Variants in MTMR8 observed in about 807,000 individuals in gnomAD.
MTMR8 encodes the protein phosphatidylinositol-3,5-bisphosphate 3-phosphatase MTMR8.
MTMR8 carries 65 observed loss-of-function variants against 39.3 expected under a neutral mutation model. That is an observed-to-expected ratio of 1.65 (90% CI 1.35 to 2.03). The LOEUF (loss-of-function observed/expected upper bound fraction) is 2.03, where lower values mean the gene tolerates loss of function less well. Ranked by LOEUF, MTMR8 falls within the 30% of genes most tolerant of loss-of-function variation. The probability of loss-of-function intolerance (pLI) is 0.00; values close to 1 mark genes in which losing one functional copy is unlikely to be tolerated. For missense variants in MTMR8, 777 were observed against 538.9 expected, an observed-to-expected ratio of 1.44 and a Z score of -4.37; for synonymous variants, 245 against 185.2, an observed-to-expected ratio of 1.32 and a Z score of -2.62.
chrX:64,282,457 T>C (rs1921000262), intron 12 of MTMR8, among the ~76,000 whole-genome samples: 1 of 110,688 alleles, frequency 9.0e-6, no homozygotes, highest in Non-Finnish European at 1.9e-5. Flanking sequence ...TTTACCTATG[T>C]AACAAACCTG....
intron 12 of MTMR8, among the ~76,000 whole-genome samples, chrX:64,297,363 G>C (rs1195078110): frequency 9.3e-6 from 1 of 107,686 alleles, no homozygotes; most frequent in Non-Finnish European, 1.9e-5. Context: ...GTGTTTTTTG[G>C]CGGCATAAAT....
chrX:64,354,359 C>T (rs1278710847), intron 4 of MTMR8, among the ~76,000 whole-genome samples: 1 of 110,435 alleles, frequency 9.1e-6, no homozygotes, highest in Non-Finnish European at 1.9e-5. Context: ...GTGATGGATA[C>T]CCCAATTACC....
At chrX:64,291,522 C>A (rs1336359972) in intron 12 of MTMR8, among the ~76,000 whole-genome samples, 1 of 110,740 alleles carries the variant, frequency 9.0e-6, no homozygotes, top group African/African-American at 3.3e-5. Context: ...TGCTGAACAC[C>A]CCACACACCC....
chrX:64,391,960 A>C (rs914605457), intron 1 of MTMR8, among the ~76,000 whole-genome samples: 7 of 112,041 alleles, frequency 6.2e-5, no homozygotes, highest in Non-Finnish European at 1.1e-4. Flanking sequence ...TTAAGGTTCC[A>C]TTCCAGGAAA....
At position 64,356,268 on chromosome X, in the gene MTMR8, C is replaced by T. The variant is rs779955677; in HGVS notation, c.218G>A (p.Arg73His). The T allele has an allele frequency of 1.4e-5, 17 of 1,207,958 alleles. No individual in the cohort carries two copies. Among genetic ancestry groups the T allele is most frequent in the African/African-American group, 1.1e-4 (6 of 57,057 alleles). The change falls in exon 3 of 14, where the codon CGC becomes CAC. Residue 73 changes from arginine (R) to histidine (H), a missense_variant. Transcript: ENST00000374852. The stretch of plus-strand genomic sequence containing the variant: ...GTGGGCCACCCGGAAATTCTTGCAG[C>T]GGAGGGTCAGGGGACAACCCAGGCT... ...ITSLGCPLTL[R>H]CKNFRVAHFV...
chrX:64,287,985 G>T (rs1389645800), intron 12 of MTMR8, among the ~76,000 whole-genome samples: 1 of 27,628 alleles, frequency 3.6e-5, no homozygotes, highest in Non-Finnish European at 6.3e-5. Context: ...TTAAACTAAA[G>T]AGCTGCTACA....
intron 1 of MTMR8, among the ~76,000 whole-genome samples, chrX:64,363,218 T>C (rs1923844242): frequency 9.0e-6 from 1 of 111,692 alleles, no homozygotes; most frequent in Admixed American, 9.5e-5. Flanking sequence ...CAAATGTCCA[T>C]CACTTTGAGA....
rs778509332 is a variant in MTMR8 at position 64,330,770 on chromosome X, T to C, written c.1352+787A>G. 2.7e-4 allele frequency among the ~76,000 whole-genome samples: 30 copies of C among 111,825 alleles called. 1 individual carries two copies. In the Middle Eastern group the frequency reaches 0.018, roughly 68 times the overall value. ...CAAGAGTGAGTTTGCCTCATCCAAA[T>C]GGAACAGCTACTATTCAGCTCTAGC... On this transcript the variant is annotated intron_variant, in intron 11 of 13. Transcript: ENST00000374852.
chrX:64,334,592 A>G (rs973678629), intron 10 of MTMR8, among the ~76,000 whole-genome samples: 2 of 106,457 alleles, frequency 1.9e-5, no homozygotes, highest in Non-Finnish European at 3.9e-5. Context: ...AAAAAAAAAA[A>G]AAACAGGGCT....
At chrX:64,371,250 T>A (rs994674722) in intron 1 of MTMR8, among the ~76,000 whole-genome samples, 4 of 111,980 alleles carry the variant, frequency 3.6e-5, no homozygotes, top group African/African-American at 1.3e-4. Flanking sequence ...CATTACAAGC[T>A]CAACAGATGA....
chrX:64,310,891 A>C (rs1349934158), intron 12 of MTMR8, among the ~76,000 whole-genome samples: 1 of 111,901 alleles, frequency 8.9e-6, no homozygotes, highest in Non-Finnish European at 1.9e-5. Context: ...TCCTTAATCC[A>C]GTCTATCATT....
intron 1 of MTMR8, among the ~76,000 whole-genome samples, chrX:64,378,565 A>G (rs753373406): frequency 2.1e-4 from 24 of 112,322 alleles, no homozygotes; most frequent in Non-Finnish European, 4.1e-4. Flanking sequence ...CACATGGATC[A>G]AACAAGTTGC....
intron 5 of MTMR8, 56 bp from the exon 6 acceptor site, chrX:64,348,850 T>G (rs1923412622): frequency 4.4e-5 from 52 of 1,169,890 alleles, no homozygotes; most frequent in Non-Finnish European, 5.9e-5. Context: ...GTCAAAAATC[T>G]TTCTTGACCC....
chrX:64,344,725 T>C (rs1569224996), intron 7 of MTMR8, among the ~76,000 whole-genome samples: 1 of 111,722 alleles, frequency 9.0e-6, no homozygotes, highest in Non-Finnish European at 1.9e-5. Flanking sequence ...ATCCCAAATT[T>C]ATTTAATACT....
chrX:64,394,624 G>A (rs945493876), intron 1 of MTMR8, among the ~76,000 whole-genome samples: 6 of 112,082 alleles, frequency 5.4e-5, no homozygotes, highest in Non-Finnish European at 9.4e-5. Flanking sequence ...GCGTTGGGAA[G>A]GGAGGGAGTA....
At chrX:64,346,323 T>A (rs1252063048) in intron 6 of MTMR8, among the ~76,000 whole-genome samples, 1 of 111,020 alleles carries the variant, frequency 9.0e-6, no homozygotes, top group Non-Finnish European at 1.9e-5. Context: ...AGTTAGAACA[T>A]GCAGAGGGAA....
intron 12 of MTMR8, among the ~76,000 whole-genome samples, chrX:64,286,949 G>A (rs1206424932): frequency 1.8e-5 from 2 of 111,544 alleles, no homozygotes; most frequent in African/African-American, 6.5e-5. Context: ...CATAGTGTTG[G>A]AAGTTCTGGC....
At chrX:64,277,519 GAT>G (rs958483823) in intron 12 of MTMR8, among the ~76,000 whole-genome samples, 8 of 111,833 alleles carry the variant, frequency 7.2e-5, no homozygotes, top group Non-Finnish European at 1.1e-4. Context: ...AGTTTGGCTG[GAT>G]ATGAGATTCT....
intron 1 of MTMR8, among the ~76,000 whole-genome samples, chrX:64,388,031 A>G (rs1343934197): frequency 9.0e-6 from 1 of 111,125 alleles, no homozygotes; most frequent in Non-Finnish European, 1.9e-5. Context: ...GAAGCTGTGA[A>G]CCATAATCCA....
Sources: gnomAD v4.1 joint callset for allele counts (sites outside exome capture counted in the v4.1 genomes callset) on GRCh38, gnomAD v4.1.1 for gene constraint, MANE v1.5 for transcripts, NCBI Gene and HGNC (gene_info 2026-07-23, HGNC 2026-07-21) for gene names.